The following MANBA variants were observed in gnomAD, a reference collection of about 807,000 sequenced individuals.
MANBA encodes mannosidase beta, also known as beta-mannosidase.
Under a neutral mutation model 111.1 loss-of-function variants are expected in MANBA, and 83 were observed. The ratio of observed to expected loss-of-function variants is 0.75; its 90% CI spans 0.63 to 0.90. The LOEUF (loss-of-function observed/expected upper bound fraction) is 0.90. MANBA is among the 40% of genes least tolerant of loss of function. MANBA has a pLI of 0.00. For synonymous variants in MANBA, 370 were observed against 378.7 expected (o/e 0.98, Z 0.27); for missense variants, 1,036 against 1,069.0 (o/e 0.97, Z 0.43).
chr4:102,682,632 G>A (rs1283530118), intron 7 of MANBA: 1 of 152,186 alleles, frequency 6.6e-6, no homozygotes, highest in Non-Finnish European at 1.5e-5. Flanking sequence ...AATATATTTA[G>A]TTTAGTTAAA....
intron 14 of MANBA, among the ~76,000 whole-genome samples, chr4:102,637,227 C>T (rs1394297457): frequency 1.3e-5 from 2 of 152,146 alleles, no homozygotes; most frequent in African/African-American, 4.8e-5. Flanking sequence ...GTTCCTAGCT[C>T]ACAACTACCA....
chr4:102,676,454 T>C (rs1448710532), intron 7 of MANBA, among the ~76,000 whole-genome samples: 1 of 152,002 alleles, frequency 6.6e-6, no homozygotes, highest in Non-Finnish European at 1.5e-5. Context: ...AGTTGTACTG[T>C]TGACATTGCA....
chr4:102,737,474 T>C (rs1723257091), intron 1 of MANBA, among the ~76,000 whole-genome samples: 1 of 151,336 alleles, frequency 6.6e-6, no homozygotes, highest in South Asian at 2.1e-4. Context: ...GCCTGTGGTG[T>C]TTTTTTTGTT....
chr4:102,698,788 T>C (rs1353124907), intron 5 of MANBA, among the ~76,000 whole-genome samples: 6 of 150,914 alleles, frequency 4.0e-5, no homozygotes, highest in South Asian at 2.1e-4. Context: ...AGTCAGGTAG[T>C]GTGATGCCTC....
At chr4:102,644,751 AG>A in intron 13 of MANBA, among the ~76,000 whole-genome samples, 1 of 152,300 alleles carries the variant, frequency 6.6e-6, no homozygotes, top group African/African-American at 2.4e-5. Context: ...CTAACAGGGT[AG>A]ATTTTAAGTG....
At chr4:102,703,811 T>C (rs549912211) in intron 5 of MANBA, among the ~76,000 whole-genome samples, 21 of 152,094 alleles carry the variant, frequency 1.4e-4, no homozygotes, top group Admixed American at 3.3e-4. Context: ...AAAACTCTGA[T>C]CCCACCCAGC....
chr4:102,693,387 G>C (rs1176014553), intron 5 of MANBA, among the ~76,000 whole-genome samples: 1 of 152,152 alleles, frequency 6.6e-6, no homozygotes, highest in Non-Finnish European at 1.5e-5. Flanking sequence ...TTTTTATGAA[G>C]TAATAAGGGT....
chr4:102,680,704 A>G (rs1015201092), intron 7 of MANBA, among the ~76,000 whole-genome samples: 1 of 152,232 alleles, frequency 6.6e-6, no homozygotes, highest in Non-Finnish European at 1.5e-5. Context: ...TTTTTGCATG[A>G]ACTCCACAGT....
rs1318576584 is a variant in MANBA, at chr4:102,760,946, A to C, written c.-52T>G. On this transcript the variant is annotated 5_prime_UTR_variant, in exon 1 of 17. Coordinates refer to ENST00000647097, the MANE Select transcript of MANBA (RefSeq NM_005908.4). ...GGAGAGATCGAAAGGCAGCGCTGCA[A>C]GGGACCGGCGGTGAAGCCACTCACC... 1.3e-6 allele frequency: 2 copies of C among 1,514,608 alleles called. No homozygotes were observed. The highest frequency in any genetic ancestry group is 2.8e-5 in the African/African-American group (2 of 72,564). The allele number at this position is 1,514,608 out of a possible 1,614,324, so 93.8% of individuals were successfully genotyped here. A position where few individuals can be genotyped will look rare whatever the true frequency, so the allele number is the denominator to read the frequency against.
rs76323566 is a variant in MANBA, at chr4:102,695,659, G to A, written c.674-4888C>T. On this transcript the variant is annotated intron_variant, in intron 5 of 16. Coordinates refer to ENST00000647097, the MANE Select transcript of MANBA (RefSeq NM_005908.4). ...GCCCTGACTGCAGCACTTCCCTCTT[G>A]AGCCAGTGGACAGGCCAAGGGTCCA... 2.9e-3 allele frequency among the ~76,000 whole-genome samples: 439 copies of A among 152,244 alleles called. 13 individuals are homozygous for A. The East Asian group carries it at 0.059, about 21-fold the overall frequency.
intron 1 of MANBA, among the ~76,000 whole-genome samples, chr4:102,755,076 C>T (rs1723957460): frequency 6.6e-6 from 1 of 152,166 alleles, no homozygotes; most frequent in African/African-American, 2.4e-5. Context: ...ACGCCATCCC[C>T]ATCAAGCTAC....
chr4:102,676,228 T>C (rs1312206424), intron 7 of MANBA, among the ~76,000 whole-genome samples: 3 of 152,218 alleles, frequency 2.0e-5, no homozygotes, highest in Non-Finnish European at 4.4e-5. Flanking sequence ...ATAATATTTA[T>C]GGTGCCAGTT....
intron 1 of MANBA, among the ~76,000 whole-genome samples, chr4:102,731,775 G>A (rs1276303226): frequency 6.6e-6 from 1 of 151,912 alleles, no homozygotes; most frequent in Admixed American, 6.6e-5. Context: ...TACTGAACGT[G>A]TTTGCTAACC....
chr4:102,647,881 T>C (rs1255635644), intron 13 of MANBA, among the ~76,000 whole-genome samples: 1 of 152,140 alleles, frequency 6.6e-6, no homozygotes, highest in Non-Finnish European at 1.5e-5. Flanking sequence ...AGGAGAAAAC[T>C]GATGAAGGTG....
intron 9 of MANBA, 59 bp from the exon 10 acceptor site, chr4:102,669,108 AG>A: frequency 7.7e-7 from 1 of 1,300,024 alleles, no homozygotes; most frequent in Non-Finnish European, 1.1e-6. Context: ...CACAGAAGAA[AG>A]TCTTTATTCT....
At position 102,650,509 on chromosome 4, in the gene MANBA, G is replaced by A. The variant is rs756637314; in HGVS notation, c.1869+28C>T. 4 of 1,583,276 alleles carry A rather than the reference G, an allele frequency of 2.5e-6. No individual in the cohort carries two copies. The South Asian group carries it at 4.4e-5, about 18-fold the overall frequency. The stretch of plus-strand genomic sequence containing the variant: ...TCTCTTACATTAATTGCAGGAACCT[G>A]TTCAATTCTAGAATGAAAACAACTT... On this transcript the variant is annotated intron_variant, in intron 13 of 16. Coordinates refer to ENST00000647097, the MANE Select transcript of MANBA (RefSeq NM_005908.4).
At chr4:102,684,435 A>G (rs1240282254) in intron 7 of MANBA, among the ~76,000 whole-genome samples, 2 of 152,152 alleles carry the variant, frequency 1.3e-5, no homozygotes, top group Admixed American at 6.6e-5. Context: ...ATCCTCCATA[A>G]TCATGCCATT....
At chr4:102,756,890 G>A (rs528937689) in intron 1 of MANBA, among the ~76,000 whole-genome samples, 1 of 151,362 alleles carries the variant, frequency 6.6e-6, no homozygotes, top group South Asian at 2.1e-4. Flanking sequence ...TCCTAACAAG[G>A]GTCCCTTTAT....
chr4:102,753,249 C>G (rs1303456203), intron 1 of MANBA, among the ~76,000 whole-genome samples: 2 of 151,892 alleles, frequency 1.3e-5, no homozygotes, highest in Non-Finnish European at 2.9e-5. Flanking sequence ...TCTCTATATA[C>G]TTAGAAAAAA....
Sources: allele counts gnomAD v4.1 joint callset (sites outside exome capture counted in the v4.1 genomes callset), GRCh38; gene constraint gnomAD v4.1.1; transcripts MANE v1.5; gene names NCBI Gene and HGNC (gene_info 2026-07-23, HGNC 2026-07-21).